The following C5 variants were observed in gnomAD, a reference collection of about 807,000 sequenced individuals.
The protein encoded by C5 is C3 and PZP-like alpha-2-macroglobulin domain-containing protein 4.
Under a neutral mutation model 218.8 loss-of-function variants are expected in C5, and 140 were observed. The observed-to-expected ratio is 0.64, with a 90% CI of 0.56 to 0.74. The LOEUF (loss-of-function observed/expected upper bound fraction) is 0.74. Among genes scored for constraint, C5 ranks in the 30% least tolerant of loss-of-function variants. C5 has a pLI of 0.00. For missense variants in C5, 1,700 were observed against 1,969.6 expected (o/e 0.86, Z 2.59); for synonymous variants, 614 against 682.3 (o/e 0.90, Z 1.56).
intron 25 of C5, 71 bp from the exon 26 acceptor site, chr9:120,982,885 A>T: frequency 1.2e-6 from 1 of 828,266 alleles, no homozygotes; most frequent in Non-Finnish European, 1.9e-6. Flanking sequence ...TAATTTATAC[A>T]ACTTTATTCT....
chr9:121,032,072 A>G, intron 6 of C5, 41 bp downstream of exon 6: 1 of 1,331,810 alleles, frequency 7.5e-7, no homozygotes, highest in Non-Finnish European at 1.1e-6. Flanking sequence ...CAAAAACAAA[A>G]AACAAAAAGC....
chr9:121,018,121 T>C (rs2047324837), intron 12 of C5, among the ~76,000 whole-genome samples: 1 of 151,402 alleles, frequency 6.6e-6, no homozygotes, highest in Non-Finnish European at 1.5e-5. Context: ...GGCATGGTGG[T>C]GCATGACTGT....
At chr9:121,050,974 T>C (rs546098162), upstream of C5, among the ~76,000 whole-genome samples, 1 of 152,292 alleles carries the variant, frequency 6.6e-6, no homozygotes, top group South Asian at 2.1e-4. Flanking sequence ...TATTCAGATA[T>C]AGAATATCTT....
At chr9:120,956,152 G>A (rs150225040) in intron 39 of C5, among the ~76,000 whole-genome samples, 1 of 152,112 alleles carries the variant, frequency 6.6e-6, no homozygotes, top group African/African-American at 2.4e-5. Flanking sequence ...AAATAAGTCA[G>A]GCGTGGTGGT....
At chr9:120,965,205 T>C (rs1313929383) in intron 33 of C5, among the ~76,000 whole-genome samples, 2 of 152,154 alleles carry the variant, frequency 1.3e-5, no homozygotes, top group Admixed American at 1.3e-4. Context: ...TATCTTTTCC[T>C]CAATGACACC....
At chr9:121,005,368 A>G (rs2047207744) in intron 20 of C5, among the ~76,000 whole-genome samples, 1 of 152,202 alleles carries the variant, frequency 6.6e-6, no homozygotes, top group Admixed American at 6.5e-5. Flanking sequence ...GCAGGGAAGT[A>G]AAGGACAATA....
intron 20 of C5, among the ~76,000 whole-genome samples, chr9:121,002,239 T>C (rs1323927316): frequency 9.0e-5 from 4 of 44,532 alleles, no homozygotes; most frequent in Admixed American, 3.1e-4. Flanking sequence ...TGTATATATG[T>C]ATATGTATAT....
chr9:121,042,465 G>C (rs2047589691), intron 3 of C5, among the ~76,000 whole-genome samples: 1 of 152,080 alleles, frequency 6.6e-6, no homozygotes, highest in African/African-American at 2.4e-5. Flanking sequence ...GATCCCCTAG[G>C]TTAGATTTAT....
intron 4 of C5, among the ~76,000 whole-genome samples, chr9:121,037,064 A>T (rs914389115): frequency 1.3e-5 from 2 of 152,130 alleles, no homozygotes; most frequent in African/African-American, 4.8e-5. Context: ...AGCGTCTGTT[A>T]CATATGTCAT....
Position 121,050,188 on chromosome 9 carries a change from T to G in C5, c.59A>C (p.Glu20Ala), listed in dbSNP as rs774697015. 1 of 1,612,826 alleles carries G rather than the reference T, an allele frequency of 6.2e-7. No individual in the cohort carries two copies. The highest frequency in any genetic ancestry group is 8.5e-7 in the Non-Finnish European group (1 of 1,178,842). Residue 20 changes from glutamate (E) to alanine (A), a missense_variant, in exon 1 of 41, where the codon GAG (glutamate) becomes GCG (alanine). By Grantham distance (107) the Glu-to-Ala change is moderately radical. Coordinates refer to ENST00000223642, the MANE Select transcript of C5 (RefSeq NM_001735.3). ...GATAGCTTGTTTTACTTACGTTTGC[T>G]CCTGTCCCCAGGTTTTCCCCAGGAA... ...LIFLGKTWGQ[E>A]QTYVISAPKI...
intron 4 of C5, 146 bp downstream of exon 4, chr9:121,037,735 T>C (rs538956985): frequency 4.5e-5 from 22 of 484,444 alleles, no homozygotes; most frequent in African/African-American, 4.1e-4. Context: ...GAGGTATAGA[T>C]CTATGATTCT....
chr9:120,996,852 AC>A (rs1420938731), intron 21 of C5, among the ~76,000 whole-genome samples: 1 of 152,122 alleles, frequency 6.6e-6, no homozygotes, highest in Admixed American at 6.5e-5. Context: ...TGGCCATATG[AC>A]CCTTAGCAAG....
At chr9:120,957,765 T>G (rs981584740) in intron 38 of C5, among the ~76,000 whole-genome samples, 2 of 152,208 alleles carry the variant, frequency 1.3e-5, no homozygotes, top group Non-Finnish European at 2.9e-5. Flanking sequence ...AGGCCTTATC[T>G]CTCATTCAGG....
intron 20 of C5, among the ~76,000 whole-genome samples, chr9:120,999,408 C>CCTGA (rs1416816813): frequency 2.0e-5 from 3 of 152,116 alleles, no homozygotes; most frequent in African/African-American, 7.2e-5. Flanking sequence ...CCCAGTAGAA[C>CCTGA]CTGACATCAT....
chr9:121,053,215 C>A (rs1002909931), upstream of C5, among the ~76,000 whole-genome samples: 1 of 152,180 alleles, frequency 6.6e-6, no homozygotes, highest in Non-Finnish European at 1.5e-5. Flanking sequence ...AAGTTTTGTT[C>A]AAGAGTGGTA....
chr9:120,976,627 A>G (rs1346647506), intron 29 of C5, 73 bp downstream of exon 29: 1 of 1,187,320 alleles, frequency 8.4e-7, no homozygotes, highest in African/African-American at 1.5e-5. Context: ...AAAGGCATGG[A>G]GGCCAGATGA....
At chr9:121,024,151 C>CG (rs1399002918) in intron 9 of C5, among the ~76,000 whole-genome samples, 1 of 134,842 alleles carries the variant, frequency 7.4e-6, no homozygotes, top group Non-Finnish European at 1.6e-5. Context: ...ACCCAGGAGG[C>CG]GGAGGTTGCA....
chr9:120,969,448 T>C (rs1286303312), intron 32 of C5, among the ~76,000 whole-genome samples: 1 of 152,216 alleles, frequency 6.6e-6, no homozygotes, highest in African/African-American at 2.4e-5. Context: ...TGCTGGTAGT[T>C]GGGAAGTTTC....
At position 120,974,842 on chromosome 9, in the gene C5, C is replaced by T. The variant is rs1286456513; in HGVS notation, c.3954G>A (p.Lys1318=). 1.9e-6 allele frequency: 3 copies of T among 1,614,008 alleles called. No homozygotes were observed. The highest frequency in any genetic ancestry group is 2.2e-5 in the East Asian group (1 of 44,884). ...TATAATTATGTAAGGCACCTTTATG[C>T]TTGTAAGAAACATCGATGTCCATAC... ...RLSMDIDVSY[K]HKGALHNYKM... is the part of the protein sequence containing the mutation. Residue 1318 remains lysine (K), a synonymous_variant, in exon 30 of 41, where the codon AAG becomes AAA. Transcript: ENST00000223642.
Sources: allele counts gnomAD v4.1 joint callset (sites outside exome capture counted in the v4.1 genomes callset), GRCh38; gene constraint gnomAD v4.1.1; transcripts MANE v1.5; gene names NCBI Gene and HGNC (gene_info 2026-07-23, HGNC 2026-07-21).